The following THADA variants were observed in gnomAD, a reference collection of about 807,000 sequenced individuals.
The protein encoded by THADA is THADA armadillo repeat containing, also known as tRNA (32-2'-O)-methyltransferase regulator THADA.
Under a neutral mutation model 219.8 loss-of-function variants are expected in THADA, and 213 were observed. The observed-to-expected ratio is 0.97, with a 90% CI of 0.87 to 1.09. The LOEUF (loss-of-function observed/expected upper bound fraction) is 1.09. Ranked by LOEUF, THADA falls within the 50% of genes least tolerant of loss-of-function variation. THADA has a pLI of 0.00. For missense variants in THADA, 2,956 were observed against 2,311.3 expected (o/e 1.28, Z -5.72); for synonymous variants, 1,018 against 828.9 (o/e 1.23, Z -3.92).
intron 28 of THADA, among the ~76,000 whole-genome samples, chr2:43,416,661 T>C (rs1221092382): frequency 6.6e-6 from 1 of 152,174 alleles, no homozygotes; most frequent in East Asian, 1.9e-4. Context: ...GGGACACATC[T>C]CATCCTCCGT....
intron 28 of THADA, among the ~76,000 whole-genome samples, chr2:43,399,685 T>C (rs1241748925): frequency 1.3e-5 from 2 of 149,124 alleles, no homozygotes; most frequent in Non-Finnish European, 3.0e-5. Flanking sequence ...CAGAGAGCTA[T>C]GGTTACAGTA....
At chr2:43,452,036 G>A (rs13423972) in intron 26 of THADA, among the ~76,000 whole-genome samples, 48,637 of 151,968 alleles carry the variant, frequency 0.32, 8,906 homozygotes, top group East Asian at 0.71. Flanking sequence ...GAACCCAGGA[G>A]GTAGAGGTTG....
chr2:43,442,895 C>T (rs867815329), intron 26 of THADA, among the ~76,000 whole-genome samples: 8 of 152,086 alleles, frequency 5.3e-5, no homozygotes, highest in African/African-American at 1.2e-4. Context: ...CTCCACTCTC[C>T]GCCTCTGCTG....
chr2:43,492,522 T>A (rs770404398), intron 25 of THADA, among the ~76,000 whole-genome samples: 1 of 152,076 alleles, frequency 6.6e-6, no homozygotes, highest in Non-Finnish European at 1.5e-5. Context: ...ATATGGTCAT[T>A]TACACACCAC....
rs376687249 is a variant in THADA, at chr2:43,286,894, C to T, written c.5164+14G>A. 1.0e-4 allele frequency: 160 copies of T among 1,605,540 alleles called. No individual in the cohort carries two copies. In the African/African-American group the frequency reaches 1.9e-3, roughly 20 times the overall value. On this transcript the variant is annotated intron_variant, in intron 35 of 37. Coordinates refer to ENST00000405975, the MANE Select transcript of THADA (RefSeq NM_022065.5). ...TGAGTTTGGTACAACAGACTTCCGT[C>T]TCGGCGCACTTACCAAGAATAGGAT...
chr2:43,396,735 C>T (rs1261970009), intron 29 of THADA, among the ~76,000 whole-genome samples: 1 of 151,866 alleles, frequency 6.6e-6, no homozygotes, highest in African/African-American at 2.4e-5. Flanking sequence ...GGCTTGAACG[C>T]AGGAGGCGGA....
chr2:43,437,044 T>C (rs760884328), intron 26 of THADA, among the ~76,000 whole-genome samples: 1 of 152,206 alleles, frequency 6.6e-6, no homozygotes, highest in African/African-American at 2.4e-5. Flanking sequence ...CCCAGAGATA[T>C]AAGCAACTCA....
At chr2:43,439,188 C>T (rs564633259) in intron 26 of THADA, among the ~76,000 whole-genome samples, 8 of 151,966 alleles carry the variant, frequency 5.3e-5, no homozygotes, top group Admixed American at 2.6e-4. Context: ...AAATATTAAA[C>T]GGAAAATTCC....
intron 28 of THADA, among the ~76,000 whole-genome samples, chr2:43,424,064 G>A (rs1678090527): frequency 6.6e-6 from 1 of 152,026 alleles, no homozygotes; most frequent in African/African-American, 2.4e-5. Flanking sequence ...AAAATACACT[G>A]GATTTTTTAA....
chr2:43,449,966 C>G (rs943924661), intron 26 of THADA, among the ~76,000 whole-genome samples: 4 of 152,092 alleles, frequency 2.6e-5, no homozygotes, highest in African/African-American at 9.7e-5. Context: ...ATAAGACATT[C>G]CCAGATAAAT....
At chr2:43,449,785 C>CT (rs1284581294) in intron 26 of THADA, among the ~76,000 whole-genome samples, 3 of 152,128 alleles carry the variant, frequency 2.0e-5, no homozygotes, top group Non-Finnish European at 2.9e-5. Flanking sequence ...GAAAAAGTGA[C>CT]TTGTTACATG....
rs751714783 is a variant in THADA at position 43,549,240 on chromosome 2, C to T, written c.3076G>A (p.Val1026Met). The change falls in exon 20 of 38, where the codon GTG (valine) becomes ATG (methionine). Residue 1026 changes from valine to methionine, a missense_variant. Transcript: ENST00000405975. ...ATTTCTGTAGAAGTATCAATATTCA[C>T]CACACTAGCATTCAAGTCCTTCATA... Reference protein sequence around the residue: ...FDMKDLNASVVNIDTSTEIKG... With the variant: ...FDMKDLNASVMNIDTSTEIKG... 1.9e-6 allele frequency: 3 copies of T among 1,586,432 alleles called. No individual in the cohort carries two copies. The highest frequency in any genetic ancestry group is 2.6e-6 in the Non-Finnish European group (3 of 1,166,002).
At chr2:43,330,150 G>A (rs1028872968) in intron 30 of THADA, among the ~76,000 whole-genome samples, 1 of 152,196 alleles carries the variant, frequency 6.6e-6, no homozygotes, top group African/African-American at 2.4e-5. Flanking sequence ...TGTGTTTTCT[G>A]GCTAGAGGCT....
At chr2:43,385,683 T>A (rs1297621563) in intron 29 of THADA, among the ~76,000 whole-genome samples, 12 of 150,232 alleles carry the variant, frequency 8.0e-5, no homozygotes, top group African/African-American at 2.9e-4. Context: ...AAAATTTACA[T>A]GTAAAACTCA....
At chr2:43,532,074 C>T (rs1693946099) in intron 21 of THADA, among the ~76,000 whole-genome samples, 1 of 150,966 alleles carries the variant, frequency 6.6e-6, no homozygotes, top group Non-Finnish European at 1.5e-5. Context: ...TTCTGGAGCC[C>T]CTATCCAGCA....
At chr2:43,585,846 C>A (rs1338707801) in intron 7 of THADA, among the ~76,000 whole-genome samples, 1 of 151,896 alleles carries the variant, frequency 6.6e-6, no homozygotes, top group Non-Finnish European at 1.5e-5. Context: ...ATTCTCATAA[C>A]AATTTATTAA....
chr2:43,231,323 A>G lies in THADA; in HGVS notation c.5487T>C (p.Phe1829=), dbSNP rs1334088784. The G allele has an allele frequency of 1.9e-6, 3 of 1,556,064 alleles. No homozygotes were observed. The highest frequency in any genetic ancestry group is 1.2e-5 in the South Asian group (1 of 80,424). ...SMHQVEEDYL[F]EKAEVNFWAE... ...CCCAAAAGTTGACTTCTGCTTTTTC[A>G]AACAGGTAGTCTTCTTCCACCTAAA... is the stretch of plus-strand genomic sequence containing the variant. The change falls in exon 38 of 38, where the codon TTT becomes TTC. Residue 1829 remains phenylalanine (F), a synonymous_variant. Coordinates refer to ENST00000405975, the MANE Select transcript of THADA (RefSeq NM_022065.5).
At chr2:43,430,123 A>T in intron 27 of THADA, 90 bp downstream of exon 27, 1 of 613,266 alleles carries the variant, frequency 1.6e-6, no homozygotes, top group South Asian at 3.7e-5. Flanking sequence ...GAAGAATTTT[A>T]TTAAAAACAG....
chr2:43,499,365 A>G (rs915986521), intron 24 of THADA, among the ~76,000 whole-genome samples: 2 of 152,094 alleles, frequency 1.3e-5, no homozygotes, highest in Admixed American at 6.6e-5. Flanking sequence ...TTTAAAAAAA[A>G]CTTTATTTTT....
Sources: gnomAD v4.1 joint callset for allele counts (sites outside exome capture counted in the v4.1 genomes callset) on GRCh38, gnomAD v4.1.1 for gene constraint, MANE v1.5 for transcripts, NCBI Gene and HGNC (gene_info 2026-07-23, HGNC 2026-07-21) for gene names.